HLA-DQB1: variants seen among roughly 807,000 people sequenced by gnomAD.
The protein encoded by HLA-DQB1 is major histocompatibility complex, class II, DQ beta 1.
In HLA-DQB1, 13 loss-of-function variants were observed where a neutral mutation model predicts 26.4. The observed-to-expected ratio is 0.49, with a 90% confidence interval of 0.32 to 0.78. HLA-DQB1 has a LOEUF of 0.78. Among genes scored for constraint, HLA-DQB1 ranks in the 30% least tolerant of loss-of-function variants. The pLI, the probability that HLA-DQB1 is intolerant of heterozygous loss-of-function variation, is 0.03. For synonymous variants in HLA-DQB1, 60 were observed against 129.1 expected (o/e 0.46, Z 3.63); for missense variants, 158 against 326.2 (o/e 0.48, Z 3.97).
At chr6:32,664,636 CTCCGATGCACCTG>C in intron 2 of HLA-DQB1, 149 bp downstream of exon 2, 1 of 282,592 alleles carries the variant, frequency 3.5e-6, no homozygotes, top group Non-Finnish European at 6.2e-6. Flanking sequence ...GTCCCCGCCC[CTCCGATGCACCTG>C]CCCCCACCAC....
Position 32,665,080 on chromosome 6 carries a change from ACCGGCCGGTCAGTCAGGCCCCAGC to A in HLA-DQB1, c.110-37_110-14del, listed in dbSNP as rs1301862469. 7.7e-7 allele frequency: 1 copy of A among 1,306,902 alleles called. No homozygotes were observed. The highest frequency in any genetic ancestry group is 2.5e-5 in the East Asian group (1 of 39,754). 81.0% of individuals were successfully genotyped at this position (1,306,902 alleles called of 1,614,324 possible). On this transcript the variant is annotated splice_polypyrimidine_tract_variant and intron_variant, in intron 1 of 4. Transcript: ENST00000434651. ...AACACGAAATCCTCTGCGGGGAATCACCGGCCGGTCAGTCAGGCCCCAGCCCGGCCGCCCCCGCAGCCGCCGCCC... is the reference window on the plus strand; with the variant it reads ...AACACGAAATCCTCTGCGGGGAATCACCGGCCGCCCCCGCAGCCGCCGCCC...
chr6:32,663,128 C>T (rs281863531), intron 2 of HLA-DQB1: 1 of 151,108 alleles, frequency 6.6e-6, no homozygotes, highest in Non-Finnish European at 1.5e-5. Context: ...TTTAGGTTCT[C>T]CTTCCTGGAG....
intron 2 of HLA-DQB1, chr6:32,664,538 G>T: frequency 4.7e-6 from 1 of 212,438 alleles, no homozygotes; most frequent in Non-Finnish European, 8.4e-6. Context: ...GAAACGTGCA[G>T]AGCGGAGGAC....
chr6:32,664,537 A>G, intron 2 of HLA-DQB1: 1 of 214,770 alleles, frequency 4.7e-6, no homozygotes, highest in East Asian at 1.5e-4. Context: ...AGAAACGTGC[A>G]GAGCGGAGGA....
intron 1 of HLA-DQB1, 24 bp downstream of exon 1, chr6:32,666,475 G>T (rs281860866): frequency 1.2e-6 from 1 of 858,104 alleles, no homozygotes; most frequent in Non-Finnish European, 1.8e-6. Context: ...TGGCGGCTCT[G>T]GAGAGCAGCT....
intron 2 of HLA-DQB1, 71 bp downstream of exon 2, chr6:32,664,727 T>C (rs281862167): frequency 2.0e-6 from 1 of 503,582 alleles, no homozygotes; most frequent in Non-Finnish European, 2.8e-6. Context: ...CTCGCCCCCA[T>C]CGCCCCTCCC....
exon 2 of HLA-DQB1, chr6:32,664,926 G>C (rs9274395): frequency 8.1e-7 from 1 of 1,235,346 alleles, no homozygotes; most frequent in Non-Finnish European, 1.2e-6. Context: ...CCGCCCCTGC[G>C]GCGTCACCGC....
intron 4 of HLA-DQB1, chr6:32,660,506 G>C: frequency 6.2e-6 from 2 of 324,934 alleles, no homozygotes; most frequent in Non-Finnish European, 1.1e-5. Flanking sequence ...GTCTTTTTAG[G>C]AAATTGGATG....
chr6:32,664,879 G>T, exon 2 of HLA-DQB1: 1 of 1,239,072 alleles, frequency 8.1e-7, no homozygotes, highest in Non-Finnish European at 1.2e-6. Flanking sequence ...GTCCCCTCCA[G>T]GACTTCCTTC....
At position 32,660,829 on chromosome 6, in the gene HLA-DQB1, C is replaced by A. The variant is rs201049473; in HGVS notation, c.772+518G>T. ...GCTCTTCCCTCTTATACCTGTGCCT[C>A]CCCACACTGGATCATGGCTGAAATA... On this transcript the variant is annotated intron_variant, in intron 4 of 4. Transcript: ENST00000434651. 61,691 of 1,306,660 alleles carry A rather than the reference C, an allele frequency of 0.047. 5,443 individuals are homozygous for A. Among genetic ancestry groups the A allele is most frequent in the East Asian group, 0.071 (2,350 of 33,266 alleles). 80.9% of individuals were successfully genotyped at this position (1,306,660 alleles called of 1,614,324 possible). A position where few individuals can be genotyped will look rare whatever the true frequency, so the allele number is the denominator to read the frequency against.
At chr6:32,665,743 T>A (rs281861453) in intron 1 of HLA-DQB1, among the ~76,000 whole-genome samples, 1 of 114,492 alleles carries the variant, frequency 8.7e-6, no homozygotes, top group African/African-American at 3.3e-5. Flanking sequence ...AATATCCATA[T>A]CACAAGTATA....
chr6:32,664,990 T>C (rs281862066), exon 2 of HLA-DQB1: 1 of 1,352,986 alleles, frequency 7.4e-7, no homozygotes, highest in Non-Finnish European at 1.0e-6. Flanking sequence ...CGGTTATAGA[T>C]GTATCTGGTC....
At chr6:32,665,574 T>TG (rs144491454) in intron 1 of HLA-DQB1, among the ~76,000 whole-genome samples, 46,747 of 111,424 alleles carry the variant, frequency 0.42, 13,211 homozygotes, top group Middle Eastern at 0.59. Flanking sequence ...CCCTCCCAAG[T>TG]CCCGTTGAGG....
At chr6:32,666,034 C>T (rs28746831) in intron 1 of HLA-DQB1, among the ~76,000 whole-genome samples, 3,990 of 109,718 alleles carry the variant, frequency 0.036, 130 homozygotes, top group East Asian at 0.14. Context: ...TCCACAAATG[C>T]TCCACTCGGT....
chr6:32,666,313 T>C (rs28746839), intron 1 of HLA-DQB1, among the ~76,000 whole-genome samples, 186 bp downstream of exon 1: 28,133 of 150,336 alleles, frequency 0.19, 3,010 homozygotes, highest in East Asian at 0.32. Context: ...GGATGGGGAT[T>C]GGATTGTCCT....
chr6:32,661,608 C>A (rs71542428), intron 3 of HLA-DQB1, 151 bp from the exon 4 acceptor site: 131,841 of 477,020 alleles, frequency 0.28, 36,270 homozygotes, highest in East Asian at 0.34. Flanking sequence ...GAAAGACCAG[C>A]CAATAGGTCC....
chr6:32,666,577 C>T (rs907953592), exon 1 of HLA-DQB1: 1 of 1,187,862 alleles, frequency 8.4e-7, no homozygotes, highest in Non-Finnish European at 1.2e-6. Flanking sequence ...CGAAGGTCTC[C>T]GGGGATCCGC....
intron 4 of HLA-DQB1, chr6:32,660,843 A>G: frequency 6.9e-7 from 1 of 1,441,602 alleles, no homozygotes. Context: ...ACACTGGATC[A>G]TGGCTGAAAT....
At chr6:32,661,226 T>G in intron 4 of HLA-DQB1, 121 bp downstream of exon 4, 1 of 417,176 alleles carries the variant, frequency 2.4e-6, no homozygotes, top group Non-Finnish European at 4.0e-6. Flanking sequence ...TCCCATCTTG[T>G]CCTGTCTCCT....
Sources: allele counts gnomAD v4.1 joint callset (sites outside exome capture counted in the v4.1 genomes callset), GRCh38; gene constraint gnomAD v4.1.1; transcripts MANE v1.5; gene names NCBI Gene and HGNC (gene_info 2026-07-23, HGNC 2026-07-21).